CDH20: variants seen among roughly 807,000 people sequenced by gnomAD.
CDH20 encodes the protein cadherin-20.
In CDH20, 29 loss-of-function variants were observed where a neutral mutation model predicts 74.2. The ratio of observed to expected loss-of-function variants is 0.39; its 90% CI spans 0.29 to 0.53. The LOEUF (loss-of-function observed/expected upper bound fraction) is 0.53, where lower values mean the gene tolerates loss of function less well. Ranked by LOEUF, CDH20 falls within the 20% of genes least tolerant of loss-of-function variation. CDH20 has a pLI of 0.69. For synonymous variants in CDH20, 469 were observed against 405.4 expected (o/e 1.16, Z -1.88); for missense variants, 988 against 1,048.3 (o/e 0.94, Z 0.79).
At position 61,499,240 on chromosome 18, in the gene CDH20, G is replaced by C; in HGVS notation, c.301G>C (p.Glu101Gln). The C allele has an allele frequency of 1.2e-6, 2 of 1,612,266 alleles. No homozygotes were observed. The highest frequency in any genetic ancestry group is 1.7e-6 in the Non-Finnish European group (2 of 1,178,816). ...DGSIKYILSG[E>Q]GAGIVFTIDD... ...ATCCATCAAATACATCCTCTCGGGA[G>C]AAGGTGCTGGCATCGTGTTTACCAT... Residue 101 changes from glutamate to glutamine, a missense_variant, in exon 3 of 12, where the codon GAA becomes CAA. By Grantham distance (29) the Glu-to-Gln change is conservative (BLOSUM62 2). Coordinates refer to ENST00000262717, the MANE Select transcript of CDH20 (RefSeq NM_031891.4).
chr18:61,445,397 T>C (rs1031597324), intron 1 of CDH20, among the ~76,000 whole-genome samples: 3 of 152,290 alleles, frequency 2.0e-5, no homozygotes, highest in East Asian at 1.9e-4. Flanking sequence ...ACAAATCTAA[T>C]TGATGCCAAA....
chr18:61,529,798 G>A (rs1409370036), intron 7 of CDH20, among the ~76,000 whole-genome samples: 2 of 152,160 alleles, frequency 1.3e-5, no homozygotes, highest in Admixed American at 6.5e-5. Context: ...GTAAAATGAG[G>A]TAGACAAAAT....
intron 1 of CDH20, among the ~76,000 whole-genome samples, chr18:61,449,478 C>T (rs1432586154): frequency 6.6e-6 from 1 of 151,946 alleles, no homozygotes; most frequent in Non-Finnish European, 1.5e-5. Flanking sequence ...TTAATGGCTC[C>T]TCATTAATAG....
intron 6 of CDH20, among the ~76,000 whole-genome samples, chr18:61,511,081 G>C (rs1158494135): frequency 8.7e-6 from 1 of 114,818 alleles, no homozygotes; most frequent in Non-Finnish European, 1.7e-5. Context: ...TGACCTCTTG[G>C]GCTCAAGCAA....
chr18:61,426,162 A>C (rs1913065759), intron 1 of CDH20, among the ~76,000 whole-genome samples: 2 of 152,102 alleles, frequency 1.3e-5, no homozygotes, highest in African/African-American at 4.8e-5. Context: ...CTGGAAATAA[A>C]GTCATTTTAC....
At chr18:61,540,533 A>C (rs1912994561) in intron 9 of CDH20, among the ~76,000 whole-genome samples, 1 of 152,174 alleles carries the variant, frequency 6.6e-6, no homozygotes, top group Non-Finnish European at 1.5e-5. Flanking sequence ...GAAAAGGGAA[A>C]CCCCTTATAA....
chr18:61,526,206 G>A (rs1223842029), intron 6 of CDH20, among the ~76,000 whole-genome samples: 232 of 122,952 alleles, frequency 1.9e-3, no homozygotes, highest in African/African-American at 6.8e-3. Flanking sequence ...TCGGCTCACC[G>A]CAACCTCCAC....
intron 1 of CDH20, among the ~76,000 whole-genome samples, chr18:61,415,810 A>G (rs1188968267): frequency 1.3e-5 from 2 of 152,182 alleles, no homozygotes; most frequent in Non-Finnish European, 2.9e-5. Context: ...GACCACAAAG[A>G]TGGTGTCTTC....
intron 1 of CDH20, among the ~76,000 whole-genome samples, chr18:61,342,829 A>G (rs1003480033): frequency 1.3e-5 from 2 of 152,256 alleles, no homozygotes; most frequent in African/African-American, 4.8e-5. Context: ...CACATTATAT[A>G]TGATTTGTAA....
chr18:61,403,365 G>A (rs902383416), intron 1 of CDH20, among the ~76,000 whole-genome samples: 4 of 152,192 alleles, frequency 2.6e-5, no homozygotes, highest in African/African-American at 7.2e-5. Context: ...TCAAACTCAT[G>A]TAGAAAATGA....
Position 61,528,121 on chromosome 18 carries a change from C to A in CDH20, c.1172C>A (p.Pro391His). ...GTGGACGAGCCCCCTGTGTTTGAAC[C>A]TGGCTTTTACTTTGTGGAGGTGCCT... ...EDVDEPPVFE[P>H]GFYFVEVPED... Residue 391 changes from proline (P) to histidine (H), a missense_variant, in exon 7 of 12, where the codon CCT (proline) becomes CAT (histidine). Physicochemically the swap from Pro to His is moderately conservative, Grantham distance 77. This residue lies in a region of CDH20 where 613 missense variants were observed against 755.2 expected (regional missense o/e 0.81). Transcript: ENST00000262717. 6.2e-7 allele frequency: 1 copy of A among 1,614,166 alleles called. No homozygotes were observed. Among genetic ancestry groups the A allele is most frequent in the Non-Finnish European group, 8.5e-7 (1 of 1,180,034 alleles).
At position 61,368,848 on chromosome 18, in the gene CDH20, C is replaced by A. The variant is rs141093218; in HGVS notation, c.-153+35021C>A. 2.4e-3 allele frequency among the ~76,000 whole-genome samples: 333 copies of A among 139,868 alleles called. 1 individual carries two copies. Among genetic ancestry groups the A allele is most frequent in the East Asian group, 0.011 (53 of 4,722 alleles). The allele number at this position is 139,868 out of a possible 152,430, so 91.8% of individuals were successfully genotyped here. A position where few individuals can be genotyped will look rare whatever the true frequency, so the allele number is the denominator to read the frequency against. On this transcript the variant is annotated intron_variant, in intron 1 of 11. Transcript: ENST00000262717. The stretch of plus-strand genomic sequence containing the variant: ...AGGCTGGAATAAAGTAAAATAGAAA[C>A]TAGTTCTTTTTCAAAAAAAAAAAAA...
At chr18:61,528,446 GACACACACAC>G (rs1555683467) in intron 7 of CDH20, among the ~76,000 whole-genome samples, 9 of 97,714 alleles carry the variant, frequency 9.2e-5, no homozygotes, top group African/African-American at 2.9e-4. Flanking sequence ...AATTGGTTGA[GACACACACAC>G]ACACACACAC....
At chr18:61,416,636 G>C (rs1294235539) in intron 1 of CDH20, among the ~76,000 whole-genome samples, 1 of 152,234 alleles carries the variant, frequency 6.6e-6, no homozygotes, top group Non-Finnish European at 1.5e-5. Context: ...CCCTAGATTA[G>C]TCAGTGTCCT....
In CDH20 at chr18:61,412,913, G is replaced by A. The variant is rs2144253438; in HGVS notation, c.-152-77489G>A. On this transcript the variant is annotated intron_variant, in intron 1 of 11. Transcript: ENST00000262717. The stretch of plus-strand genomic sequence containing the variant: ...GGATCTCTCTGGGTCGGGTAGGAAA[G>A]AGGTTACAAGGTAGTTTAATTTATA... Among the ~76,000 whole-genome samples, 3 of 152,290 alleles carry A rather than the reference G, an allele frequency of 2.0e-5. No homozygotes were observed. In the South Asian group the frequency reaches 6.2e-4, roughly 32 times the overall value.
At chr18:61,442,521 C>G (rs1909068243) in intron 1 of CDH20, among the ~76,000 whole-genome samples, 1 of 152,096 alleles carries the variant, frequency 6.6e-6, no homozygotes, top group Non-Finnish European at 1.5e-5. Flanking sequence ...ATAACAAGTA[C>G]TCACTTATAA....
chr18:61,409,244 G>A (rs1338207976), intron 1 of CDH20, among the ~76,000 whole-genome samples: 1 of 152,182 alleles, frequency 6.6e-6, no homozygotes, highest in Non-Finnish European at 1.5e-5. Context: ...TTCTCACTGT[G>A]GAGAAGGGAG....
chr18:61,385,175 T>A (rs2144188867), intron 1 of CDH20, among the ~76,000 whole-genome samples: 1 of 152,298 alleles, frequency 6.6e-6, no homozygotes, highest in South Asian at 2.1e-4. Flanking sequence ...AACTTTAACA[T>A]AATAAACTAT....
chr18:61,483,516 T>C (rs1910660307), intron 1 of CDH20, among the ~76,000 whole-genome samples: 1 of 152,206 alleles, frequency 6.6e-6, no homozygotes, highest in Non-Finnish European at 1.5e-5. Flanking sequence ...AAACACTCCA[T>C]GTCATTACCT....
Sources: gnomAD v4.1 joint callset for allele counts (sites outside exome capture counted in the v4.1 genomes callset) on GRCh38, gnomAD v4.1.1 for gene constraint, gnomAD v4.1.1 regional missense constraint, MANE v1.5 for transcripts, NCBI Gene and HGNC (gene_info 2026-07-23, HGNC 2026-07-21) for gene names.